UBE2U: variants seen among roughly 807,000 people sequenced by gnomAD.
The protein encoded by UBE2U is ubiquitin-conjugating enzyme E2 U.
A neutral mutation model predicts 41.2 loss-of-function variants in UBE2U; 39 were observed. That is an observed-to-expected ratio of 0.95 (90% CI 0.73 to 1.24). The LOEUF is 1.24. Among genes scored for constraint, UBE2U ranks in the 50% most tolerant of loss-of-function variants. The pLI is 0.00. For synonymous variants in UBE2U, 107 were observed against 117.8 expected (o/e 0.91, Z 0.60); for missense variants, 336 against 363.1 (o/e 0.93, Z 0.61).
chr1:64,236,166 A>G (rs181039856), intron 7 of UBE2U, among the ~76,000 whole-genome samples: 3 of 152,260 alleles, frequency 2.0e-5, no homozygotes, highest in East Asian at 3.9e-4. Context: ...CACATACTTT[A>G]TAGGGTTGAA....
chr1:64,235,853 C>G (rs746270122), intron 7 of UBE2U, among the ~76,000 whole-genome samples: 1 of 152,118 alleles, frequency 6.6e-6, no homozygotes, highest in Non-Finnish European at 1.5e-5. Context: ...AATTATTCAA[C>G]CAACATTATT....
At chr1:64,216,912 A>G (rs1030961055) in intron 5 of UBE2U, among the ~76,000 whole-genome samples, 1 of 152,118 alleles carries the variant, frequency 6.6e-6, no homozygotes, top group African/African-American at 2.4e-5. Context: ...GAGGACTCAC[A>G]TACCCCAGAC....
At chr1:64,224,659 G>T (rs1392014173) in intron 6 of UBE2U, among the ~76,000 whole-genome samples, 1 of 151,558 alleles carries the variant, frequency 6.6e-6, no homozygotes, top group Non-Finnish European at 1.5e-5. Context: ...GGAGGTGGAG[G>T]TTGCAGTGAG....
chr1:64,220,748 T>A (rs1652393106), intron 5 of UBE2U, 111 bp from the exon 6 acceptor site: 1 of 858,046 alleles, frequency 1.2e-6, no homozygotes, highest in Admixed American at 2.8e-5. Context: ...ATTTTATATC[T>A]TATTTTTATT....
chr1:64,266,958 C>A, intron 9 of UBE2U, 66 bp from the exon 10 acceptor site: 1 of 1,425,450 alleles, frequency 7.0e-7, no homozygotes, highest in South Asian at 1.3e-5. Context: ...TGCAGGAACA[C>A]TTCTCTTTTT....
At chr1:64,209,022 AT>A (rs1344474339) in intron 3 of UBE2U, among the ~76,000 whole-genome samples, 1 of 152,226 alleles carries the variant, frequency 6.6e-6, no homozygotes, top group African/African-American at 2.4e-5. Flanking sequence ...AACTGGTAAT[AT>A]TGGTCTTGAA....
At chr1:64,237,248 T>A (rs1216573680) in intron 7 of UBE2U, among the ~76,000 whole-genome samples, 3 of 133,226 alleles carry the variant, frequency 2.3e-5, no homozygotes, top group African/African-American at 5.7e-5. Context: ...ATCCTAGCAG[T>A]GGAAAAAAAA....
intron 1 of UBE2U, 145 bp downstream of exon 1, chr1:64,204,261 A>G (rs1651151172): frequency 1.6e-6 from 1 of 619,142 alleles, no homozygotes; most frequent in Admixed American, 3.3e-5. Flanking sequence ...CATTTCACTG[A>G]AGTAATGTGT....
At chr1:64,244,262 G>T in intron 8 of UBE2U, 1 of 1,325,922 alleles carries the variant, frequency 7.5e-7, no homozygotes. Context: ...TACCTATCTT[G>T]CAAAGTTGTT....
rs1282960323 is a variant in UBE2U at position 64,213,175 on chromosome 1, C to T, written c.340-1640C>T. Among the ~76,000 whole-genome samples, 3 of 152,240 alleles carry T rather than the reference C, an allele frequency of 2.0e-5. 1 individual carries two copies. The East Asian group carries it at 5.8e-4, about 29-fold the overall frequency. On this transcript the variant is annotated intron_variant, in intron 4 of 9. Transcript: ENST00000371077. Reference sequence around the variant, plus strand: ...TATCTAATCCTCACACCTAGACTCTCCCTAACACACCAGGCAATCCTGCTC... The same window carrying T: ...TATCTAATCCTCACACCTAGACTCTTCCTAACACACCAGGCAATCCTGCTC...
intron 8 of UBE2U, among the ~76,000 whole-genome samples, chr1:64,259,004 G>T (rs547350838): frequency 6.6e-6 from 1 of 152,214 alleles, no homozygotes; most frequent in Non-Finnish European, 1.5e-5. Flanking sequence ...ACTTTTTAAT[G>T]ATCGTCATTC....
chr1:64,239,154 AAG>A (rs1310647436), intron 7 of UBE2U, among the ~76,000 whole-genome samples: 2 of 24,544 alleles, frequency 8.1e-5, no homozygotes, highest in Non-Finnish European at 1.4e-4. Context: ...GAAGAAGAAG[AAG>A]AAAGAAGAAG....
Position 64,220,873 on chromosome 1 carries a change from C to T in UBE2U, c.472C>T (p.Gln158Ter). ...TTTCTTTATAGTGAAAGATGACAGC[C>T]AGGAGTTACCTAAAGACCCACGTAA... ...NRPLQMKDDS[Q>*]ELPKDPRKCI... The change falls in exon 6 of 10, where the codon CAG (glutamine) becomes TAG (stop). Residue 158 changes from glutamine to a stop codon, truncating the protein, a stop_gained. Transcript: ENST00000371077. LOFTEE classifies it high-confidence loss of function. 6.2e-7 allele frequency: 1 copy of T among 1,606,806 alleles called. No individual in the cohort carries two copies. Among genetic ancestry groups the T allele is most frequent in the South Asian group, 1.1e-5 (1 of 89,120 alleles).
intron 8 of UBE2U, among the ~76,000 whole-genome samples, chr1:64,258,327 C>CT (rs1042331467): frequency 8.7e-5 from 13 of 148,582 alleles, no homozygotes; most frequent in Admixed American, 1.3e-4. Context: ...AAAAACGTTT[C>CT]TTTTTTTTTT....
intron 7 of UBE2U, among the ~76,000 whole-genome samples, chr1:64,239,308 A>G (rs1644791793): frequency 6.6e-6 from 1 of 151,820 alleles, no homozygotes; most frequent in Non-Finnish European, 1.5e-5. Flanking sequence ...ATATATGAGC[A>G]TATGATCTGG....
chr1:64,239,164 AAGAAGAAG>A (rs1557731172), intron 7 of UBE2U, among the ~76,000 whole-genome samples: 5 of 84,342 alleles, frequency 5.9e-5, no homozygotes, highest in African/African-American at 2.7e-4. Context: ...AAGAAAGAAG[AAGAAGAAG>A]AAGAAGAAGA....
chr1:64,227,198 C>T (rs1273755027), intron 6 of UBE2U, among the ~76,000 whole-genome samples: 2 of 152,146 alleles, frequency 1.3e-5, no homozygotes, highest in African/African-American at 4.8e-5. Context: ...TGCTTTTCTC[C>T]TGAGTTTTGG....
At chr1:64,218,901 G>C (rs1652222091) in intron 5 of UBE2U, among the ~76,000 whole-genome samples, 1 of 152,160 alleles carries the variant, frequency 6.6e-6, no homozygotes, top group Admixed American at 6.5e-5. Context: ...TATTCAGTCA[G>C]CATCGAGTCT....
At chr1:64,232,684 G>A in intron 7 of UBE2U, 35 bp downstream of exon 7, 1 of 1,529,426 alleles carries the variant, frequency 6.5e-7, no homozygotes, top group South Asian at 1.2e-5. Context: ...TGTCCTTTTG[G>A]TATATGTTAA....
Sources: allele counts gnomAD v4.1 joint callset (sites outside exome capture counted in the v4.1 genomes callset), GRCh38; gene constraint gnomAD v4.1.1; transcripts MANE v1.5; gene names NCBI Gene and HGNC (gene_info 2026-07-23, HGNC 2026-07-21).